Variants in ACTR10 observed in about 807,000 individuals in gnomAD.
The protein encoded by ACTR10 is actin related protein 10.
In ACTR10, 43 loss-of-function variants were observed where a neutral mutation model predicts 56.2. The ratio of observed to expected loss-of-function variants is 0.77; its 90% CI spans 0.60 to 0.99. ACTR10 has a LOEUF of 0.99. Ranked by LOEUF, ACTR10 falls within the 50% of genes least tolerant of loss-of-function variation. ACTR10 has a pLI of 0.00. For missense variants in ACTR10, 466 were observed against 507.8 expected (o/e 0.92, Z 0.79); for synonymous variants, 170 against 176.3 (o/e 0.96, Z 0.28).
chr14:58,229,474 C>T (rs182028261), intron 10 of ACTR10, among the ~76,000 whole-genome samples: 15 of 151,928 alleles, frequency 9.9e-5, no homozygotes, highest in African/African-American at 2.4e-4. Context: ...GTCAGGAGAT[C>T]GAGACCATCC....
At chr14:58,232,316 T>C in intron 12 of ACTR10, 49 bp downstream of exon 12, 1 of 1,420,014 alleles carries the variant, frequency 7.0e-7, no homozygotes, top group Non-Finnish European at 9.7e-7. Flanking sequence ...ATTTGGTCTC[T>C]GAATGACACT....
intron 7 of ACTR10, among the ~76,000 whole-genome samples, chr14:58,219,128 A>G (rs1889207932): frequency 1.3e-5 from 2 of 152,164 alleles, no homozygotes; most frequent in Non-Finnish European, 2.9e-5. Flanking sequence ...CCCCAAAGTT[A>G]AAAATTCTTA....
At chr14:58,203,504 T>G (rs1391248656) in intron 2 of ACTR10, among the ~76,000 whole-genome samples, 1 of 152,102 alleles carries the variant, frequency 6.6e-6, no homozygotes, top group Non-Finnish European at 1.5e-5. Flanking sequence ...TAATACCCGT[T>G]TACAATTAAT....
chr14:58,221,524 C>T (rs1418845114), intron 8 of ACTR10, among the ~76,000 whole-genome samples: 1 of 151,978 alleles, frequency 6.6e-6, no homozygotes. Context: ...AGCCTGGGAT[C>T]TCCTGGTGGA....
chr14:58,203,273 G>T (rs1369465288), intron 2 of ACTR10, among the ~76,000 whole-genome samples: 3 of 135,710 alleles, frequency 2.2e-5, no homozygotes, highest in Admixed American at 8.2e-5. Context: ...TCGCACTCCA[G>T]CCTGGGGGGC....
chr14:58,223,738 G>T, intron 9 of ACTR10, 37 bp downstream of exon 9: 6 of 1,604,870 alleles, frequency 3.7e-6, no homozygotes, highest in East Asian at 2.2e-5. Flanking sequence ...TTTTTGCAAA[G>T]GTTACAACAT....
At chr14:58,213,337 C>T in intron 5 of ACTR10, 1 of 228,640 alleles carries the variant, frequency 4.4e-6, no homozygotes, top group Non-Finnish European at 8.4e-6. Flanking sequence ...TTCAGACTAG[C>T]CATATTTCAT....
intron 7 of ACTR10, among the ~76,000 whole-genome samples, chr14:58,217,621 G>A (rs955713660): frequency 2.0e-5 from 3 of 150,144 alleles, no homozygotes; most frequent in Admixed American, 1.3e-4. Context: ...AGCCGAGATC[G>A]AGCCATTGCA....
rs776707478 is a variant in ACTR10 at position 58,209,098 on chromosome 14, A to G, written c.333A>G (p.Lys111=). The change falls in exon 4 of 13, where the codon AAA becomes AAG. Residue 111 remains lysine, a synonymous_variant. Coordinates refer to ENST00000254286, the MANE Select transcript of ACTR10 (RefSeq NM_018477.3). ...FRETLTRVLF[K]YFEVPSVLLA... is the part of the protein sequence containing the mutation. Reference sequence around the variant, plus strand: ...AGACACTCACTCGTGTTCTTTTCAAATATTTTGAGGTACCTGTCTTTATAT... The same window carrying G: ...AGACACTCACTCGTGTTCTTTTCAAGTATTTTGAGGTACCTGTCTTTATAT... 1.3e-6 allele frequency: 2 copies of G among 1,582,412 alleles called. No homozygotes were observed. Among genetic ancestry groups the G allele is most frequent in the South Asian group, 1.2e-5 (1 of 85,928 alleles).
intron 10 of ACTR10, among the ~76,000 whole-genome samples, chr14:58,224,556 C>G (rs1392756503): frequency 6.6e-6 from 1 of 152,110 alleles, no homozygotes; most frequent in Non-Finnish European, 1.5e-5. Context: ...TGGTAGTTCA[C>G]ACTTGCAACC....
Position 58,203,810 on chromosome 14 carries a change from C to T in ACTR10, c.150+883C>T, listed in dbSNP as rs1184193894. Among the ~76,000 whole-genome samples the T allele has an allele frequency of 2.6e-5, 4 of 152,238 alleles. No homozygotes were observed. In the East Asian group the frequency reaches 7.7e-4, roughly 29 times the overall value. ...ACAACCAGTAGAAAGAATGATTTTG[C>T]ATGTTATAAAATTCACTTGTTAAAA... On this transcript the variant is annotated intron_variant, in intron 2 of 12. Transcript: ENST00000254286.
chr14:58,208,788 G>T, intron 3 of ACTR10, among the ~76,000 whole-genome samples: 1 of 151,998 alleles, frequency 6.6e-6, no homozygotes, highest in East Asian at 1.9e-4. Flanking sequence ...TTAGGTTTCT[G>T]AGATAAGTAA....
intron 12 of ACTR10, 137 bp downstream of exon 12, chr14:58,232,404 C>CTTTTTTTTTT (rs5808963): frequency 9.6e-5 from 13 of 135,744 alleles, no homozygotes; most frequent in African/African-American, 4.0e-4. Context: ...CTGACTTTTT[C>CTTTTTTTTTT]TTTTTTTTTT....
At chr14:58,203,017 A>G (rs889994275) in intron 2 of ACTR10, 90 bp downstream of exon 2, 56 of 926,270 alleles carry the variant, frequency 6.0e-5, no homozygotes, top group Non-Finnish European at 2.6e-5. Flanking sequence ...AAACAGTACT[A>G]AAGGCCAGCC....
chr14:58,232,022 G>T, intron 11 of ACTR10, 44 bp from the exon 12 acceptor site: 3 of 1,327,212 alleles, frequency 2.3e-6, no homozygotes, highest in Non-Finnish European at 3.2e-6. Context: ...AGCATTATTT[G>T]TACAGTTCAG....
At chr14:58,231,894 T>C (rs1889544239) in intron 11 of ACTR10, among the ~76,000 whole-genome samples, 172 bp from the exon 12 acceptor site, 1 of 152,134 alleles carries the variant, frequency 6.6e-6, no homozygotes, top group Admixed American at 6.5e-5. Flanking sequence ...ATTTGCTACA[T>C]GAAAGAAACC....
Position 58,200,257 on chromosome 14 carries a change from A to G in ACTR10, c.40A>G (p.Thr14Ala). The stretch of plus-strand genomic sequence containing the variant: ...GGGCCTGGGGAGCGGCGGGGAGAAG[A>G]CGGCGGTCGTGATCGACCTGGGAGA... ...YEGLGSGGEK[T>A]AVVIDLGEAF... Residue 14 changes from threonine to alanine, a missense_variant, in exon 1 of 13, where the codon ACG (threonine) becomes GCG (alanine). Thr to Ala is a moderately conservative substitution (Grantham distance 58). Coordinates refer to ENST00000254286, the MANE Select transcript of ACTR10 (RefSeq NM_018477.3). 6.6e-7 allele frequency: 1 copy of G among 1,514,404 alleles called. No homozygotes were observed. 93.8% of individuals were successfully genotyped at this position (1,514,404 alleles called of 1,614,324 possible).
At chr14:58,220,536 T>C (rs1889238834) in intron 8 of ACTR10, among the ~76,000 whole-genome samples, 1 of 152,240 alleles carries the variant, frequency 6.6e-6, no homozygotes, top group African/African-American at 2.4e-5. Flanking sequence ...GTTCAAATAA[T>C]ACAGAAATAT....
intron 1 of ACTR10, 22 bp downstream of exon 1, chr14:58,200,316 T>C: frequency 6.7e-7 from 1 of 1,489,604 alleles, no homozygotes; most frequent in Non-Finnish European, 8.9e-7. Context: ...TGACGCCAGC[T>C]GTGTTCGACC....
Sources: allele counts gnomAD v4.1 joint callset (sites outside exome capture counted in the v4.1 genomes callset), GRCh38; gene constraint gnomAD v4.1.1; transcripts MANE v1.5; gene names NCBI Gene and HGNC (gene_info 2026-07-23, HGNC 2026-07-21).